Variants in EHBP1 observed in about 807,000 individuals in gnomAD.
EHBP1 encodes EH domain binding protein 1.
EHBP1 carries 55 observed loss-of-function variants against 144.0 expected under a neutral mutation model. The ratio of observed to expected loss-of-function variants is 0.38; its 90% CI spans 0.31 to 0.48. EHBP1 has a LOEUF of 0.48. EHBP1 is among the 20% of genes least tolerant of loss of function. The pLI is 0.98. For synonymous variants in EHBP1, 469 were observed against 472.7 expected, an observed-to-expected ratio of 0.99 and a Z score of 0.10; for missense variants, 1,200 against 1,364.2, an observed-to-expected ratio of 0.88 and a Z score of 1.90.
At chr2:62,889,959 A>AT (rs1161025322) in intron 10 of EHBP1, among the ~76,000 whole-genome samples, 4,328 of 129,428 alleles carry the variant, frequency 0.033, 147 homozygotes, top group African/African-American at 0.055. Context: ...TTCCATATGA[A>AT]TTTTTTTTTT....
chr2:63,005,260 T>C (rs1559055067), intron 19 of EHBP1, among the ~76,000 whole-genome samples: 1 of 152,124 alleles, frequency 6.6e-6, no homozygotes, highest in Admixed American at 6.6e-5. Flanking sequence ...ATGCTATAAA[T>C]GTAGCTGTTC....
intron 3 of EHBP1, among the ~76,000 whole-genome samples, chr2:62,762,429 G>A (rs1353116561): frequency 6.6e-6 from 1 of 152,108 alleles, no homozygotes; most frequent in Admixed American, 6.5e-5. Flanking sequence ...CTCCAGACAC[G>A]TAATCCAGCT....
chr2:62,786,685 T>A (rs1359546375), intron 5 of EHBP1, among the ~76,000 whole-genome samples: 1 of 152,220 alleles, frequency 6.6e-6, no homozygotes, highest in Non-Finnish European at 1.5e-5. Context: ...ATTTTTCACA[T>A]CTTGTTTAAT....
At chr2:62,748,384 A>G (rs1003140578) in intron 3 of EHBP1, among the ~76,000 whole-genome samples, 1 of 152,100 alleles carries the variant, frequency 6.6e-6, no homozygotes, top group Non-Finnish European at 1.5e-5. Context: ...GCCAGATTCT[A>G]TCCTTACGCC....
At chr2:62,941,536 TTAG>T (rs1162050780) in intron 10 of EHBP1, among the ~76,000 whole-genome samples, 1 of 152,268 alleles carries the variant, frequency 6.6e-6, no homozygotes, top group African/African-American at 2.4e-5. Context: ...GTGGTGTTTC[TTAG>T]TAGTATTCTC....
chr2:62,902,202 G>T (rs1376148333), intron 10 of EHBP1, among the ~76,000 whole-genome samples: 1 of 152,032 alleles, frequency 6.6e-6, no homozygotes, highest in African/African-American at 2.4e-5. Flanking sequence ...TTGAATTCAG[G>T]ATGACCTATG....
rs371581826 is a variant in EHBP1, at chr2:62,942,044, C to T, written c.1186-674C>T. ...CCATTTAAAACACACACACTACTAA[C>T]TCACCTGGTATTCAAAAGTAGCTCT... On this transcript the variant is annotated intron_variant, in intron 10 of 22. Coordinates refer to ENST00000431489, the MANE Select transcript of EHBP1 (RefSeq NM_001142616.3). 9.9e-5 allele frequency among the ~76,000 whole-genome samples: 15 copies of T among 152,144 alleles called. No homozygotes were observed. In the East Asian group the frequency reaches 2.1e-3, roughly 22 times the overall value.
chr2:62,767,197 T>C (rs1482043089), intron 4 of EHBP1, among the ~76,000 whole-genome samples: 1 of 152,118 alleles, frequency 6.6e-6, no homozygotes, highest in Non-Finnish European at 1.5e-5. Flanking sequence ...TTAAGATACA[T>C]ACAGGTATAA....
chr2:62,763,889 T>G (rs2040959679), intron 3 of EHBP1, among the ~76,000 whole-genome samples: 1 of 152,126 alleles, frequency 6.6e-6, no homozygotes, highest in Non-Finnish European at 1.5e-5. Flanking sequence ...AAGTTCCTAG[T>G]CCACAAAAAT....
intron 7 of EHBP1, chr2:62,858,625 T>A: frequency 1.5e-6 from 1 of 668,176 alleles, no homozygotes; most frequent in Non-Finnish European, 2.5e-6. Flanking sequence ...TGCTTTTCCT[T>A]GAATGTTTTC....
At chr2:62,795,720 A>T (rs1392507232) in intron 5 of EHBP1, among the ~76,000 whole-genome samples, 1 of 152,080 alleles carries the variant, frequency 6.6e-6, no homozygotes, top group East Asian at 1.9e-4. Flanking sequence ...TTTCCTTTTA[A>T]AAATATACAA....
intron 10 of EHBP1, among the ~76,000 whole-genome samples, chr2:62,936,507 G>A (rs2056396879): frequency 1.3e-5 from 2 of 152,024 alleles, no homozygotes; most frequent in Admixed American, 6.6e-5. Context: ...TTTGAGGGGA[G>A]GGGATGAGGC....
At chr2:62,915,369 T>G (rs2054527435) in intron 10 of EHBP1, among the ~76,000 whole-genome samples, 1 of 152,162 alleles carries the variant, frequency 6.6e-6, no homozygotes, top group South Asian at 2.1e-4. Flanking sequence ...TATATCTCAC[T>G]TAAATTACAT....
intron 19 of EHBP1, among the ~76,000 whole-genome samples, chr2:63,034,320 T>C (rs759472066): frequency 2.0e-5 from 3 of 152,062 alleles, no homozygotes; most frequent in Non-Finnish European, 4.4e-5. Context: ...AATTTCAAAA[T>C]GGCTTTCAAT....
chr2:62,773,884 A>AAAAAAAAAAAAAAG (rs1558647631), intron 5 of EHBP1, among the ~76,000 whole-genome samples: 2 of 130,712 alleles, frequency 1.5e-5, no homozygotes, highest in African/African-American at 6.1e-5. Context: ...AAAAAAAAAA[A>AAAAAAAAAAAAAAG]AGAGAGAGAG....
intron 2 of EHBP1, among the ~76,000 whole-genome samples, chr2:62,736,443 C>G (rs1251152986): frequency 6.6e-6 from 1 of 151,906 alleles, no homozygotes; most frequent in Non-Finnish European, 1.5e-5. Context: ...AGGCTGGTCT[C>G]GAACTCCTGA....
chr2:62,746,283 C>T (rs149332646), intron 2 of EHBP1, among the ~76,000 whole-genome samples: 213 of 151,956 alleles, frequency 1.4e-3, no homozygotes, highest in African/African-American at 5.0e-3. Flanking sequence ...TTTCTTTTAA[C>T]GGTTGTTTGT....
At chr2:62,988,721 T>G (rs2059295622) in intron 15 of EHBP1, among the ~76,000 whole-genome samples, 1 of 152,160 alleles carries the variant, frequency 6.6e-6, no homozygotes, top group African/African-American at 2.4e-5. Context: ...CAAAGTTTTG[T>G]ATATCTGAGG....
At chr2:62,994,699 G>A (rs138107270) in intron 18 of EHBP1, among the ~76,000 whole-genome samples, 4 of 152,094 alleles carry the variant, frequency 2.6e-5, no homozygotes, top group Non-Finnish European at 4.4e-5. Flanking sequence ...CTTGTTTTCA[G>A]TGTTAAAATA....
Sources: gnomAD v4.1 joint callset for allele counts (sites outside exome capture counted in the v4.1 genomes callset) on GRCh38, gnomAD v4.1.1 for gene constraint, MANE v1.5 for transcripts, NCBI Gene and HGNC (gene_info 2026-07-23, HGNC 2026-07-21) for gene names.